PGLYRP4: variants seen among roughly 807,000 people sequenced by gnomAD.
The protein encoded by PGLYRP4 is peptidoglycan recognition protein 4.
A neutral mutation model predicts 41.2 loss-of-function variants in PGLYRP4; 39 were observed. That is an observed-to-expected ratio of 0.95 (90% CI 0.73 to 1.24). PGLYRP4 has a LOEUF of 1.24. Ranked by LOEUF, PGLYRP4 falls within the 50% of genes most tolerant of loss-of-function variation. PGLYRP4 has a pLI of 0.00. For synonymous variants in PGLYRP4, 202 were observed against 186.8 expected, an observed-to-expected ratio of 1.08 and a Z score of -0.66; for missense variants, 467 against 460.7, an observed-to-expected ratio of 1.01 and a Z score of -0.13.
At chr1:153,333,221 A>G (rs1276819939) in intron 8 of PGLYRP4, among the ~76,000 whole-genome samples, 6 of 152,146 alleles carry the variant, frequency 3.9e-5, no homozygotes, top group Admixed American at 3.9e-4. Flanking sequence ...CCACAATCAG[A>G]AATAATAAAG....
chr1:153,345,959 G>A, intron 3 of PGLYRP4, 143 bp downstream of exon 3: 1 of 697,902 alleles, frequency 1.4e-6, no homozygotes, highest in South Asian at 1.7e-5. Context: ...AATGCAGGTG[G>A]TTTACTGGTA....
chr1:153,334,739 T>C (rs1259886387), intron 8 of PGLYRP4, among the ~76,000 whole-genome samples: 1 of 152,010 alleles, frequency 6.6e-6, no homozygotes, highest in Non-Finnish European at 1.5e-5. Flanking sequence ...AGAACCCAAA[T>C]AGCCAAAGCA....
intron 3 of PGLYRP4, among the ~76,000 whole-genome samples, chr1:153,345,882 T>C (rs945870257): frequency 6.6e-6 from 1 of 152,212 alleles, no homozygotes; most frequent in African/African-American, 2.4e-5. Context: ...CTGCAGAGGC[T>C]GTTTCCCCTC....
At position 153,340,615 on chromosome 1, in the gene PGLYRP4, T is replaced by G. The variant is rs376700459; in HGVS notation, c.626-36A>C. On this transcript the variant is annotated intron_variant, in intron 6 of 8. Coordinates refer to ENST00000359650, the MANE Select transcript of PGLYRP4 (RefSeq NM_020393.4). The stretch of plus-strand genomic sequence containing the variant: ...GCGAGAAACCACAGAGGGTTCATCT[T>G]CCCCATCTATGCCAGCCACTTCTCC... 155 of 1,595,474 alleles carry G rather than the reference T, an allele frequency of 9.7e-5. No individual in the cohort carries two copies. In the African/African-American group the frequency reaches 1.4e-3, roughly 14 times the overall value.
intron 8 of PGLYRP4, among the ~76,000 whole-genome samples, chr1:153,333,042 G>T (rs891428759): frequency 6.6e-6 from 1 of 151,768 alleles, no homozygotes; most frequent in Admixed American, 6.6e-5. Flanking sequence ...AGAACTAAAT[G>T]GTATTGTGTA....
intron 8 of PGLYRP4, among the ~76,000 whole-genome samples, chr1:153,334,877 T>C (rs1276095845): frequency 2.0e-5 from 3 of 151,934 alleles, no homozygotes; most frequent in Non-Finnish European, 1.5e-5. Flanking sequence ...TGGAACACAA[T>C]AGAGAACCCA....
At position 153,345,152 on chromosome 1, in the gene PGLYRP4, C is replaced by A. The variant is rs376822163; in HGVS notation, c.353+17G>T. Reference sequence around the variant, plus strand: ...CAACACTGACCATGTGCCGTGGGACCCAGACCCAGCTCTTACTTGTAGGCC... The same window carrying A: ...CAACACTGACCATGTGCCGTGGGACACAGACCCAGCTCTTACTTGTAGGCC... On this transcript the variant is annotated intron_variant, in intron 4 of 8. Transcript: ENST00000359650. 6 of 1,592,932 alleles carry A rather than the reference C, an allele frequency of 3.8e-6. No homozygotes were observed. The highest frequency in any genetic ancestry group is 5.1e-6 in the Non-Finnish European group (6 of 1,168,076).
intron 8 of PGLYRP4, among the ~76,000 whole-genome samples, chr1:153,336,637 C>T (rs1434368251): frequency 2.0e-5 from 3 of 152,050 alleles, no homozygotes; most frequent in Non-Finnish European, 4.4e-5. Context: ...GTACCATGTA[C>T]ACTACTCAGG....
chr1:153,335,809 A>G (rs1216733628), intron 8 of PGLYRP4, among the ~76,000 whole-genome samples: 1 of 152,196 alleles, frequency 6.6e-6, no homozygotes, highest in Non-Finnish European at 1.5e-5. Flanking sequence ...CTTACACACT[A>G]TTGATGAGAA....
Position 153,338,108 on chromosome 1 carries a change from C to T in PGLYRP4, c.825-809G>A, listed in dbSNP as rs149695887. Among the ~76,000 whole-genome samples the T allele has an allele frequency of 2.5e-4, 38 of 152,330 alleles. No homozygotes were observed. The East Asian group carries it at 5.4e-3, about 22-fold the overall frequency. On this transcript the variant is annotated intron_variant, in intron 7 of 8. Coordinates refer to ENST00000359650, the MANE Select transcript of PGLYRP4 (RefSeq NM_020393.4). Reference sequence around the variant, plus strand: ...GCACGTTCACAACTGGACCCATCTTCTTCGTCACCTGTTCCCCTTTCTGGG... The same window carrying T: ...GCACGTTCACAACTGGACCCATCTTTTTCGTCACCTGTTCCCCTTTCTGGG...
intron 2 of PGLYRP4, among the ~76,000 whole-genome samples, chr1:153,346,616 G>A (rs931235060): frequency 3.3e-5 from 5 of 152,198 alleles, no homozygotes; most frequent in South Asian, 2.1e-4. Flanking sequence ...CAGTTCCCCC[G>A]GGATTGATTT....
Position 153,330,613 on chromosome 1 carries a change from CA to C in PGLYRP4, c.*153del. 1.7e-6 allele frequency: 1 copy of C among 573,488 alleles called. No individual in the cohort carries two copies. Among genetic ancestry groups the C allele is most frequent in the East Asian group, 2.8e-5 (1 of 35,966 alleles). The allele number at this position is 573,488 out of a possible 1,614,324, so 35.5% of individuals were successfully genotyped here. On this transcript the variant is annotated 3_prime_UTR_variant, in exon 9 of 9. Coordinates refer to ENST00000359650, the MANE Select transcript of PGLYRP4 (RefSeq NM_020393.4). The stretch of plus-strand genomic sequence containing the variant: ...TTTGGAGGCCCTTGGAGGATGTTGG[CA>C]GGAGAGGGCATGATCATCCCAACCT...
chr1:153,336,111 G>A (rs946587334), intron 8 of PGLYRP4, among the ~76,000 whole-genome samples: 7 of 151,732 alleles, frequency 4.6e-5, no homozygotes, highest in Non-Finnish European at 8.8e-5. Context: ...AAATGAAATC[G>A]TGGCATGGTG....
In PGLYRP4 at chr1:153,340,465, T is replaced by C. The variant is rs1660746979; in HGVS notation, c.740A>G (p.Asn247Ser). Residue 247 changes from asparagine (N) to serine (S), a missense_variant, in exon 7 of 9, where the codon AAC becomes AGC. Asn to Ser is a conservative substitution (Grantham distance 46). Transcript: ENST00000359650. ...CAGCAGGCGGCACTCATCAGAAATG[T>C]TGCAGGTCCTCCCGGCAGTGTGGAT... is the stretch of plus-strand genomic sequence containing the variant. ...IIIHTAGRTC[N>S]ISDECRLLVR... 7 of 1,614,090 alleles carry C rather than the reference T, an allele frequency of 4.3e-6. No homozygotes were observed. In the South Asian group the frequency reaches 5.5e-5, roughly 13 times the overall value.
chr1:153,343,843 G>A (rs1385996342), intron 4 of PGLYRP4, among the ~76,000 whole-genome samples: 1 of 152,152 alleles, frequency 6.6e-6, no homozygotes, highest in Non-Finnish European at 1.5e-5. Flanking sequence ...GTAAAACACA[G>A]ATAAGACAGC....
chr1:153,343,796 T>C (rs1557830335), intron 4 of PGLYRP4, among the ~76,000 whole-genome samples: 1 of 152,016 alleles, frequency 6.6e-6, no homozygotes, highest in Non-Finnish European at 1.5e-5. Flanking sequence ...GGAAATCACT[T>C]CTCTTCTAAA....
chr1:153,346,128 T>C lies in PGLYRP4; in HGVS notation c.113A>G (p.Glu38Gly). Reference protein sequence around the residue: ...QVSEGLQYLFENISQLTEKGL... With the variant: ...QVSEGLQYLFGNISQLTEKGL... The stretch of plus-strand genomic sequence containing the variant: ...TTTTTCAGTGAGCTGGGAGATGTTC[T>C]CAAATAGGTACTGGAGCCCCTCTGA... Residue 38 changes from glutamate to glycine, a missense_variant, in exon 3 of 9, where the codon GAG becomes GGG. Coordinates refer to ENST00000359650, the MANE Select transcript of PGLYRP4 (RefSeq NM_020393.4). 1 of 1,613,782 alleles carries C rather than the reference T, an allele frequency of 6.2e-7. No homozygotes were observed. The highest frequency in any genetic ancestry group is 8.5e-7 in the Non-Finnish European group (1 of 1,179,688).
intron 2 of PGLYRP4, 80 bp downstream of exon 2, chr1:153,347,804 T>C (rs1315559564): frequency 9.7e-7 from 1 of 1,028,014 alleles, no homozygotes; most frequent in Non-Finnish European, 1.5e-6. Context: ...AGATGGACAG[T>C]AGGTATTTTT....
At chr1:153,336,901 A>G (rs1660590818) in intron 8 of PGLYRP4, among the ~76,000 whole-genome samples, 1 of 152,216 alleles carries the variant, frequency 6.6e-6, no homozygotes, top group South Asian at 2.1e-4. Flanking sequence ...TGAGCTAAAA[A>G]TAAGCACAAA....
Sources: allele counts gnomAD v4.1 joint callset (sites outside exome capture counted in the v4.1 genomes callset), GRCh38; gene constraint gnomAD v4.1.1; transcripts MANE v1.5; gene names NCBI Gene and HGNC (gene_info 2026-07-23, HGNC 2026-07-21).